Variants in GSE1 observed in about 807,000 individuals in gnomAD.
GSE1 encodes the protein Gse1 coiled-coil protein, also known as genetic suppressor element 1.
In GSE1, 32 loss-of-function variants were observed where a neutral mutation model predicts 112.6. That is an observed-to-expected ratio of 0.28 (90% confidence interval 0.21 to 0.38). The LOEUF is 0.38. Among genes scored for constraint, GSE1 ranks in the 10% least tolerant of loss-of-function variants. The probability of loss-of-function intolerance (pLI) is 1.00; values close to 1 mark genes in which losing one functional copy is unlikely to be tolerated. For missense variants in GSE1, 2,348 were observed against 1,699.2 expected (o/e 1.38, Z -6.71); for synonymous variants, 1,115 against 735.6 (o/e 1.52, Z -8.35).
chr16:85,336,156 T>C (rs2046479051), intron 1 of GSE1, among the ~76,000 whole-genome samples: 1 of 152,162 alleles, frequency 6.6e-6, no homozygotes, highest in African/African-American at 2.4e-5. Context: ...GACTCCAGGG[T>C]CACCAGGGGC....
At chr16:85,279,068 A>C (rs1029414732) in intron 1 of GSE1, 2 of 152,370 alleles carry the variant, frequency 1.3e-5, no homozygotes, top group Admixed American at 6.5e-5. Context: ...AGGGACATCA[A>C]CCTCAACACC....
chr16:85,574,503 C>T (rs1299244067), intron 1 of GSE1, among the ~76,000 whole-genome samples: 1 of 152,220 alleles, frequency 6.6e-6, no homozygotes, highest in Non-Finnish European at 1.5e-5. Flanking sequence ...GAAGTTGTCC[C>T]TTCCGCCTCG....
At chr16:85,267,616 C>G (rs1908392956) in intron 1 of GSE1, among the ~76,000 whole-genome samples, 1 of 152,170 alleles carries the variant, frequency 6.6e-6, no homozygotes, top group Non-Finnish European at 1.5e-5. Context: ...TGAGCACCTG[C>G]TATGTGCCAG....
chr16:85,284,115 G>A (rs1045691943), intron 1 of GSE1, among the ~76,000 whole-genome samples: 9 of 152,312 alleles, frequency 5.9e-5, no homozygotes, highest in Admixed American at 5.9e-4. Context: ...AGCCTTCAGA[G>A]GCCAGTTGTT....
upstream of GSE1, among the ~76,000 whole-genome samples, chr16:85,554,293 T>C (rs1192357674): frequency 1.3e-5 from 2 of 152,176 alleles, no homozygotes; most frequent in Admixed American, 6.5e-5. Flanking sequence ...TGGGGCCTTC[T>C]TGAGCTGGTG....
At chr16:85,304,547 G>T (rs2045614494) in intron 1 of GSE1, among the ~76,000 whole-genome samples, 1 of 148,542 alleles carries the variant, frequency 6.7e-6, no homozygotes, top group African/African-American at 2.5e-5. Flanking sequence ...AAAGGAAAGG[G>T]AAGTGGGGAG....
intron 2 of GSE1, among the ~76,000 whole-genome samples, chr16:85,470,505 T>C (rs962776509): frequency 1.3e-5 from 2 of 152,208 alleles, no homozygotes; most frequent in Non-Finnish European, 2.9e-5. Flanking sequence ...ATGCTCTATG[T>C]GTGGCTTCTT....
chr16:85,216,309 T>A (rs566167753), intron 1 of GSE1, among the ~76,000 whole-genome samples: 3 of 152,240 alleles, frequency 2.0e-5, no homozygotes, highest in African/African-American at 7.2e-5. Context: ...GAGGCTGACT[T>A]GGGAGGATCA....
chr16:85,529,168 T>TAA, intron 2 of GSE1, among the ~76,000 whole-genome samples: 1 of 151,996 alleles, frequency 6.6e-6, no homozygotes, highest in Middle Eastern at 3.4e-3. Flanking sequence ...TGCAGGTGGT[T>TAA]AATCGTGTGT....
intron 1 of GSE1, among the ~76,000 whole-genome samples, chr16:85,563,175 T>C (rs1260582851): frequency 1.4e-5 from 2 of 147,702 alleles, no homozygotes; most frequent in Non-Finnish European, 1.5e-5. Flanking sequence ...CTCCTCCTCC[T>C]CCTCCTCCTC....
chr16:85,180,235 C>T (rs962454918), intron 1 of GSE1, among the ~76,000 whole-genome samples: 1 of 152,192 alleles, frequency 6.6e-6, no homozygotes, highest in Non-Finnish European at 1.5e-5. Context: ...GCACAAAGGC[C>T]GGGGTTGGTA....
At chr16:85,253,539 T>A (rs1030388115) in intron 1 of GSE1, among the ~76,000 whole-genome samples, 12 of 152,160 alleles carry the variant, frequency 7.9e-5, no homozygotes, top group Admixed American at 7.9e-4. Flanking sequence ...TTCTGGGTGT[T>A]GCAGAGGGAT....
chr16:85,511,996 T>G (rs548144945), intron 2 of GSE1, among the ~76,000 whole-genome samples: 4 of 152,138 alleles, frequency 2.6e-5, no homozygotes, highest in Non-Finnish European at 4.4e-5. Context: ...CACTGCTCTG[T>G]AGTCAGGGTC....
chr16:85,556,599 C>T (rs1252974880), intron 1 of GSE1, among the ~76,000 whole-genome samples: 1 of 150,618 alleles, frequency 6.6e-6, no homozygotes, highest in African/African-American at 2.4e-5. Context: ...GCGCCGCCGC[C>T]GGGGGTTGCG....
intron 2 of GSE1, among the ~76,000 whole-genome samples, chr16:85,477,648 C>T (rs2050501886): frequency 6.6e-6 from 1 of 151,690 alleles, no homozygotes; most frequent in Non-Finnish European, 1.5e-5. Context: ...GCAACCTCCA[C>T]CTGCTGGGTT....
chr16:85,494,786 A>G (rs2051117736), intron 2 of GSE1, among the ~76,000 whole-genome samples: 1 of 152,252 alleles, frequency 6.6e-6, no homozygotes, highest in Admixed American at 6.5e-5. Context: ...CTCAGGAGCT[A>G]GAAGGGGCTT....
intron 1 of GSE1, among the ~76,000 whole-genome samples, chr16:85,565,553 C>T (rs1050918816): frequency 3.3e-5 from 5 of 152,172 alleles, no homozygotes; most frequent in African/African-American, 9.7e-5. Context: ...GGGCCCATGG[C>T]GAAGGGTCCC....
intron 1 of GSE1, among the ~76,000 whole-genome samples, chr16:85,198,038 C>T (rs558320312): frequency 2.2e-4 from 33 of 152,152 alleles, no homozygotes; most frequent in Middle Eastern, 6.8e-3. Flanking sequence ...CTTGGTTGGG[C>T]GAGTCCTGTT....
chr16:85,424,770 A>AC (rs1315026809), intron 2 of GSE1, among the ~76,000 whole-genome samples: 1 of 151,698 alleles, frequency 6.6e-6, no homozygotes, highest in Non-Finnish European at 1.5e-5. Context: ...GCGCCATGGC[A>AC]CCCCCCTCAC....
Sources: gnomAD v4.1 joint callset for allele counts (sites outside exome capture counted in the v4.1 genomes callset) on GRCh38, gnomAD v4.1.1 for gene constraint, MANE v1.5 for transcripts, NCBI Gene and HGNC (gene_info 2026-07-23, HGNC 2026-07-21) for gene names.